Variants in ECPAS observed in about 807,000 individuals in gnomAD.
ECPAS encodes proteasome adapter and scaffold protein ECM29.
A neutral mutation model predicts 255.1 loss-of-function variants in ECPAS; 70 were observed. The ratio of observed to expected loss-of-function variants is 0.27; its 90% CI spans 0.23 to 0.33. The LOEUF (loss-of-function observed/expected upper bound fraction) is 0.33, where lower values mean the gene tolerates loss of function less well. Among genes scored for constraint, ECPAS ranks in the 10% least tolerant of loss-of-function variants. ECPAS has a pLI of 1.00. For synonymous variants in ECPAS, 784 were observed against 775.0 expected, an observed-to-expected ratio of 1.01 and a Z score of -0.19; for missense variants, 1,817 against 2,206.4, an observed-to-expected ratio of 0.82 and a Z score of 3.54.
At chr9:111,391,201 C>G (rs1453977794) in intron 29 of ECPAS, among the ~76,000 whole-genome samples, 2 of 152,164 alleles carry the variant, frequency 1.3e-5, no homozygotes, top group East Asian at 1.9e-4. Flanking sequence ...CCTCATCCCC[C>G]CAGAGTGACC....
intron 2 of ECPAS, among the ~76,000 whole-genome samples, chr9:111,466,197 C>A (rs1368158339): frequency 1.3e-5 from 2 of 151,932 alleles, no homozygotes; most frequent in Non-Finnish European, 2.9e-5. Flanking sequence ...ACCTGTAATC[C>A]CAGCATTTTG....
chr9:111,404,593 A>G lies in ECPAS; in HGVS notation c.2652+3978T>C, dbSNP rs902835744. Among the ~76,000 whole-genome samples, 14 of 149,246 alleles carry G rather than the reference A, an allele frequency of 9.4e-5. 1 individual carries two copies. Among genetic ancestry groups the G allele is most frequent in the Admixed American group, 8.6e-4 (13 of 15,178 alleles). On this transcript the variant is annotated intron_variant, in intron 24 of 49. Transcript: ENST00000684092. ...TTGTTATTTTTCTCCTGCTCCTGCC[A>G]TGTAAGACATGCCTGCTTCCTCTTC...
intron 1 of ECPAS, among the ~76,000 whole-genome samples, chr9:111,477,265 C>G (rs1358181732): frequency 6.6e-6 from 1 of 151,862 alleles, no homozygotes; most frequent in Non-Finnish European, 1.5e-5. Flanking sequence ...CACGTCCCAA[C>G]ACCCGGCTAA....
At chr9:111,455,144 A>G (rs549758385) in intron 2 of ECPAS, among the ~76,000 whole-genome samples, 2 of 152,204 alleles carry the variant, frequency 1.3e-5, no homozygotes, top group South Asian at 2.1e-4. Flanking sequence ...TAAATATTAT[A>G]TTGTGCAGAG....
At chr9:111,402,591 T>C (rs2098177818) in intron 24 of ECPAS, among the ~76,000 whole-genome samples, 1 of 152,120 alleles carries the variant, frequency 6.6e-6, no homozygotes, top group Non-Finnish European at 1.5e-5. Flanking sequence ...AACATAAACT[T>C]TTCAAAAATA....
chr9:111,414,228 G>C (rs1228830331), intron 19 of ECPAS, among the ~76,000 whole-genome samples: 1 of 152,080 alleles, frequency 6.6e-6, no homozygotes, highest in East Asian at 1.9e-4. Flanking sequence ...AAGTAAAAAT[G>C]TATTTATCTA....
At position 111,412,038 on chromosome 9, in the gene ECPAS, A is replaced by G; in HGVS notation, c.2190T>C (p.Leu730=). Residue 730 remains leucine, a synonymous_variant, in exon 21 of 50, where the codon CTT becomes CTC. Coordinates refer to ENST00000684092, the MANE Select transcript of ECPAS (RefSeq NM_001364929.1). ...GNELKSMIEQ[L]IKTTKDNHSP... ...CGTGATTGTCTTTTGTAGTCTTTAT[A>G]AGCTGTTCTATCATTGATTTCAACT... 6.3e-7 allele frequency: 1 copy of G among 1,578,396 alleles called. No individual in the cohort carries two copies. The highest frequency in any genetic ancestry group is 8.5e-7 in the Non-Finnish European group (1 of 1,169,994).
chr9:111,416,222 T>C (rs776145626), intron 18 of ECPAS, 50 bp downstream of exon 18: 2 of 1,383,928 alleles, frequency 1.4e-6, no homozygotes, highest in East Asian at 2.3e-5. Flanking sequence ...TGTGGTGTGA[T>C]CTTTTTAGAA....
rs73533505 is a variant in ECPAS, at chr9:111,371,977, T to C, written c.4529-148A>G. On this transcript the variant is annotated intron_variant, in intron 42 of 49. Coordinates refer to ENST00000684092, the MANE Select transcript of ECPAS (RefSeq NM_001364929.1). ...CACTCTCTCAAAGGGAGAGAAAGTGTGTTGGTGTTGTGACTTATTCTCACA... is the reference window on the plus strand; with the variant it reads ...CACTCTCTCAAAGGGAGAGAAAGTGCGTTGGTGTTGTGACTTATTCTCACA... 5.3e-5 allele frequency: 35 copies of C among 663,208 alleles called. No homozygotes were observed. In the African/African-American group the frequency reaches 5.8e-4, roughly 11 times the overall value. 41.1% of individuals were successfully genotyped at this position (663,208 alleles called of 1,614,324 possible). A position where few individuals can be genotyped will look rare whatever the true frequency, so the allele number is the denominator to read the frequency against.
rs757630508 is a variant in ECPAS at position 111,370,621 on chromosome 9, C to T, written c.4788G>A (p.Glu1596=). ...IACVVTACSA[E]LEKSVPNQPS... ...GTTGATTGGGCACAGACTTTTCCAG[C>T]TCTGCACTACAGGGTCCATACAAAA... The change falls in exon 45 of 50, where the codon GAG becomes GAA. Residue 1596 remains glutamate (E), a synonymous_variant. Transcript: ENST00000684092. The T allele has an allele frequency of 3.7e-6, 6 of 1,610,016 alleles. No homozygotes were observed. The highest frequency in any genetic ancestry group is 5.1e-6 in the Non-Finnish European group (6 of 1,178,050).
intron 7 of ECPAS, among the ~76,000 whole-genome samples, chr9:111,434,193 G>C (rs1353476158): frequency 6.6e-6 from 1 of 152,096 alleles, no homozygotes; most frequent in Admixed American, 6.6e-5. Context: ...GATCAAAAAA[G>C]GGCCTGCCTT....
intron 28 of ECPAS, among the ~76,000 whole-genome samples, chr9:111,392,443 G>A (rs1489929180): frequency 1.3e-5 from 2 of 152,158 alleles, no homozygotes; most frequent in Admixed American, 6.5e-5. Context: ...CACTCTTCAC[G>A]GGTTAGACTA....
Position 111,436,942 on chromosome 9 carries a change from G to C in ECPAS, c.706C>G (p.Gln236Glu), listed in dbSNP as rs2098239040. The stretch of plus-strand genomic sequence containing the variant: ...TATGAGCAAGCCTTGTGTGATACCT[G>C]TTCCAATTGTTCAGGTGTCCATGGG... ...DNPWTPEQLE[Q>E]CKLGIVKFIE... The change falls in exon 7 of 50, where the codon CAG becomes GAG. Residue 236 changes from glutamine to glutamate, a missense_variant and splice_region_variant. Physicochemically the swap from Gln to Glu is conservative, Grantham distance 29. Around this residue, in one of 4 missense-constraint regions of ECPAS, gnomAD observed 573 missense variants for 716.2 expected, o/e 0.80. Transcript: ENST00000684092. 2 of 1,600,660 alleles carry C rather than the reference G, an allele frequency of 1.2e-6. No individual in the cohort carries two copies. The highest frequency in any genetic ancestry group is 1.1e-5 in the South Asian group (1 of 88,482).
At chr9:111,412,559 C>T (rs955199543) in intron 20 of ECPAS, among the ~76,000 whole-genome samples, 2 of 152,142 alleles carry the variant, frequency 1.3e-5, no homozygotes, top group African/African-American at 4.8e-5. Context: ...TGTCATGAAA[C>T]ATTATTCGTT....
At chr9:111,412,313 A>G (rs1281429557) in intron 20 of ECPAS, among the ~76,000 whole-genome samples, 165 bp from the exon 21 acceptor site, 1 of 152,222 alleles carries the variant, frequency 6.6e-6, no homozygotes, top group Non-Finnish European at 1.5e-5. Flanking sequence ...TAGATAACAA[A>G]ATCTTAGGTC....
At chr9:111,407,925 A>G (rs61071664) in intron 24 of ECPAS, among the ~76,000 whole-genome samples, 18,778 of 152,212 alleles carry the variant, frequency 0.12, 1,412 homozygotes, top group East Asian at 0.33. Flanking sequence ...GAAAAAGAAC[A>G]AGAGACATGA....
At chr9:111,362,264 A>T (rs938968223) in intron 49 of ECPAS, 95 bp from the exon 50 acceptor site, 13 of 1,024,696 alleles carry the variant, frequency 1.3e-5, no homozygotes, top group Admixed American at 2.9e-5. Context: ...CAAGAAAAAA[A>T]TTTAAAAATA....
intron 3 of ECPAS, among the ~76,000 whole-genome samples, chr9:111,448,635 C>A (rs970242367): frequency 6.6e-6 from 1 of 152,176 alleles, no homozygotes; most frequent in Non-Finnish European, 1.5e-5. Context: ...ATGGCCTTAG[C>A]GCATGCTGAG....
Position 111,425,796 on chromosome 9 carries a change from T to C in ECPAS, c.1083A>G (p.Thr361=). 3 of 1,586,878 alleles carry C rather than the reference T, an allele frequency of 1.9e-6. No individual in the cohort carries two copies. The highest frequency in any genetic ancestry group is 2.6e-6 in the Non-Finnish European group (3 of 1,158,530). ...VVYDGLFGTN[T]NSKLRTLSLQ... ...GGGATAATGTTCTTAACTTTGAATT[T>C]GTATTTGTACCAAAAAGTCCATCAT... is the stretch of plus-strand genomic sequence containing the variant. The change falls in exon 11 of 50, where the codon ACA becomes ACG. Residue 361 remains threonine, a synonymous_variant. Coordinates refer to ENST00000684092, the MANE Select transcript of ECPAS (RefSeq NM_001364929.1).
Sources: allele counts gnomAD v4.1 joint callset (sites outside exome capture counted in the v4.1 genomes callset), GRCh38; gene constraint gnomAD v4.1.1; regional missense constraint gnomAD v4.1.1; transcripts MANE v1.5; gene names NCBI Gene and HGNC (gene_info 2026-07-23, HGNC 2026-07-21).